Variants in PITPNC1 observed in about 807,000 individuals in gnomAD.
PITPNC1 encodes cytoplasmic phosphatidylinositol transfer protein 1.
PITPNC1 carries 18 observed loss-of-function variants against 44.7 expected under a neutral mutation model. The observed-to-expected ratio is 0.40, with a 90% CI of 0.28 to 0.60. The LOEUF is 0.60. Ranked by LOEUF, PITPNC1 falls within the 20% of genes least tolerant of loss-of-function variation. PITPNC1 has a pLI of 0.39. For missense variants in PITPNC1, 290 were observed against 418.4 expected, an observed-to-expected ratio of 0.69 and a Z score of 2.68; for synonymous variants, 141 against 149.6, an observed-to-expected ratio of 0.94 and a Z score of 0.42.
At chr17:67,436,722 A>C (rs1337065629) in intron 1 of PITPNC1, among the ~76,000 whole-genome samples, 9 of 151,634 alleles carry the variant, frequency 5.9e-5, no homozygotes, top group African/African-American at 2.2e-4. Context: ...ACCAGGGAAA[A>C]CCCAAGGGTC....
chr17:67,534,379 T>C (rs2144131462), intron 2 of PITPNC1, among the ~76,000 whole-genome samples: 1 of 152,228 alleles, frequency 6.6e-6, no homozygotes, highest in Middle Eastern at 3.4e-3. Context: ...GGCTCACACC[T>C]ATAATCCCAG....
rs774341070 is a variant in PITPNC1, at chr17:67,697,185, CTAGT to C, written c.*4300_*4303del. Reference sequence around the variant, plus strand: ...TTGTGGCTGTTCTGTGTTTTTCTTCCTAGTTATTTATTATTGTTAATAACTTACT... The same window carrying C: ...TTGTGGCTGTTCTGTGTTTTTCTTCCTATTTATTATTGTTAATAACTTACT... On this transcript the variant is annotated 3_prime_UTR_variant, in exon 9 of 9. Transcript: ENST00000581322. The C allele has an allele frequency of 1.3e-5, 2 of 150,972 alleles. No homozygotes were observed. The highest frequency in any genetic ancestry group is 6.6e-5 in the Admixed American group (1 of 15,086). 9.4% of individuals were successfully genotyped at this position (150,972 alleles called of 1,614,324 possible). A position where few individuals can be genotyped will look rare whatever the true frequency, so the allele number is the denominator to read the frequency against.
intron 6 of PITPNC1, among the ~76,000 whole-genome samples, chr17:67,650,793 T>G (rs550620394): frequency 1.3e-5 from 2 of 152,276 alleles, no homozygotes; most frequent in Non-Finnish European, 2.9e-5. Context: ...TGTGCTCAAA[T>G]TTCTCATTTG....
At chr17:67,652,000 A>T (rs539518221) in intron 6 of PITPNC1, among the ~76,000 whole-genome samples, 1 of 152,310 alleles carries the variant, frequency 6.6e-6, no homozygotes, top group African/African-American at 2.4e-5. Flanking sequence ...CTGACATGTG[A>T]TATGTGTTGT....
intron 1 of PITPNC1, among the ~76,000 whole-genome samples, chr17:67,448,538 T>G (rs1293709275): frequency 6.6e-6 from 1 of 152,122 alleles, no homozygotes; most frequent in Non-Finnish European, 1.5e-5. Flanking sequence ...GCTTCATGCT[T>G]TATCTTGGTC....
chr17:67,442,543 T>TA (rs939901754), intron 1 of PITPNC1, among the ~76,000 whole-genome samples: 27 of 150,206 alleles, frequency 1.8e-4, no homozygotes, highest in African/African-American at 2.9e-4. Context: ...TCATTTTGAT[T>TA]AAAAAAAAAT....
intron 4 of PITPNC1, among the ~76,000 whole-genome samples, chr17:67,554,697 C>T (rs1299357961): frequency 1.3e-5 from 2 of 152,170 alleles, no homozygotes; most frequent in African/African-American, 2.4e-5. Context: ...CCCAACGCAT[C>T]GTAGGTGCTC....
intron 8 of PITPNC1, among the ~76,000 whole-genome samples, chr17:67,683,292 T>A (rs1345303264): frequency 2.0e-5 from 3 of 151,590 alleles, no homozygotes; most frequent in South Asian, 4.2e-4. Context: ...TAAAGATGAA[T>A]CATCATTACT....
intron 1 of PITPNC1, among the ~76,000 whole-genome samples, chr17:67,512,068 C>A (rs764465721): frequency 1.3e-5 from 2 of 152,200 alleles, no homozygotes; most frequent in South Asian, 2.1e-4. Context: ...TCTCTTCAGA[C>A]CTGCCCTTCC....
intron 1 of PITPNC1, among the ~76,000 whole-genome samples, chr17:67,433,237 C>G (rs1040187367): frequency 6.6e-6 from 1 of 152,146 alleles, no homozygotes; most frequent in African/African-American, 2.4e-5. Context: ...TTGGGCCAGA[C>G]CAAGGGAAGC....
chr17:67,651,965 A>C (rs1302073740), intron 6 of PITPNC1, among the ~76,000 whole-genome samples: 1 of 152,216 alleles, frequency 6.6e-6, no homozygotes, highest in Non-Finnish European at 1.5e-5. Context: ...CTTCAGGAGA[A>C]GTTCCAGGAT....
chr17:67,578,319 TCACAGCC>T, intron 5 of PITPNC1, 62 bp downstream of exon 5: 1 of 1,152,688 alleles, frequency 8.7e-7, no homozygotes. Context: ...ACAGCACTTC[TCACAGCC>T]CCTCTGTGAC....
chr17:67,512,143 C>G (rs2040192087), intron 1 of PITPNC1, among the ~76,000 whole-genome samples: 1 of 152,198 alleles, frequency 6.6e-6, no homozygotes, highest in South Asian at 2.1e-4. Context: ...CACGTTGACT[C>G]CCAACTACTC....
chr17:67,409,650 T>C (rs2143840403), intron 1 of PITPNC1, among the ~76,000 whole-genome samples: 1 of 152,132 alleles, frequency 6.6e-6, no homozygotes, highest in East Asian at 1.9e-4. Flanking sequence ...GCGATTCTCC[T>C]GTGTCAGCCT....
At chr17:67,647,466 T>TTTG (rs1567757534) in intron 6 of PITPNC1, among the ~76,000 whole-genome samples, 3 of 63,732 alleles carry the variant, frequency 4.7e-5, no homozygotes, top group African/African-American at 3.5e-4. Context: ...AATTTTGGGT[T>TTTG]TTTTTTTTTT....
Position 67,597,611 on chromosome 17 carries a change from G to T in PITPNC1, c.366+19354G>T, listed in dbSNP as rs1448013557. ...ATCTTCCTCAATCCCTTTGTGTTAA[G>T]TTCCTAGTGGAAATTTGAGAAGTCC... On this transcript the variant is annotated intron_variant, in intron 5 of 8. Coordinates refer to ENST00000581322, the MANE Select transcript of PITPNC1 (RefSeq NM_012417.4). The surrounding 1 kb of genome is among the most constrained non-coding windows in gnomAD (Gnocchi z 4.0). Among the ~76,000 whole-genome samples, 1 of 152,208 alleles carries T rather than the reference G, an allele frequency of 6.6e-6. No homozygotes were observed. The highest frequency in any genetic ancestry group is 6.5e-5 in the Admixed American group (1 of 15,282).
chr17:67,633,377 A>G (rs1044441069), intron 6 of PITPNC1, among the ~76,000 whole-genome samples: 2 of 152,188 alleles, frequency 1.3e-5, no homozygotes, highest in East Asian at 3.9e-4. Context: ...CGTGGTTCAG[A>G]TTTCTTTTGC....
At chr17:67,586,216 C>CAAG (rs2144247416) in intron 5 of PITPNC1, among the ~76,000 whole-genome samples, 1 of 152,122 alleles carries the variant, frequency 6.6e-6, no homozygotes, top group South Asian at 2.1e-4. Flanking sequence ...GGAACTTATT[C>CAAG]AAGGATTTTA....
chr17:67,598,854 T>C (rs1248456220), intron 5 of PITPNC1, among the ~76,000 whole-genome samples: 1 of 150,720 alleles, frequency 6.6e-6, no homozygotes, highest in African/African-American at 2.4e-5. Flanking sequence ...GATCACGCCA[T>C]TGCACTCCAG....
Sources: allele counts gnomAD v4.1 joint callset (sites outside exome capture counted in the v4.1 genomes callset), GRCh38; gene constraint gnomAD v4.1.1; non-coding constraint Gnocchi (gnomAD v3.1); transcripts MANE v1.5; gene names NCBI Gene and HGNC (gene_info 2026-07-23, HGNC 2026-07-21).